IFI27: variants seen among roughly 807,000 people sequenced by gnomAD.
IFI27 encodes the protein interferon alpha inducible protein 27.
A neutral mutation model predicts 8.9 loss-of-function variants in IFI27; 3 were observed. That is an observed-to-expected ratio of 0.34 (90% confidence interval 0.15 to 0.87). IFI27 has a LOEUF of 0.87. Among genes scored for constraint, IFI27 ranks in the 40% least tolerant of loss-of-function variants. The probability of loss-of-function intolerance (pLI) is 0.51; values close to 1 mark genes in which losing one functional copy is unlikely to be tolerated. For missense variants in IFI27, 152 were observed against 157.7 expected (o/e 0.96, Z 0.19); for synonymous variants, 66 against 67.3 (o/e 0.98, Z 0.09).
rs1415334141 is a variant in IFI27 at position 94,116,373 on chromosome 14, C to T, written c.284-69C>T. 1.8e-6 allele frequency: 2 copies of T among 1,119,050 alleles called. No individual in the cohort carries two copies. Among genetic ancestry groups the T allele is most frequent in the East Asian group, 2.5e-5 (1 of 40,666 alleles). 69.3% of individuals were successfully genotyped at this position (1,119,050 alleles called of 1,614,324 possible). A position where few individuals can be genotyped will look rare whatever the true frequency, so the allele number is the denominator to read the frequency against. On this transcript the variant is annotated intron_variant, in intron 4 of 4. Coordinates refer to ENST00000621160, the Ensembl canonical transcript of IFI27. This position sits in a 1 kb window ranked among gnomAD's most constrained non-coding sequence, Gnocchi z 4.3. ...CTGAGGGTCACTGGAGTCTCTGACC[C>T]CACAGTCCTGCCCACAGAGCTTCCC...
Position 94,116,018 on chromosome 14 carries a change from A to AACCCTATGAACCTCAATCTCC in IFI27, c.283+77_283+97dup. On this transcript the variant is annotated intron_variant, in intron 4 of 4. Transcript: ENST00000621160. The surrounding 1 kb of genome is among the most constrained non-coding windows in gnomAD (Gnocchi z 4.3). ...CCTCCAAGGACCCAGTCCCAATCTC[A>AACCCTATGAACCTCAATCTCC]ACCCTATGAACCTCAATCTCCCTGT... is the stretch of plus-strand genomic sequence containing the variant. The AACCCTATGAACCTCAATCTCC allele has an allele frequency of 7.7e-7, 1 of 1,290,520 alleles. No individual in the cohort carries two copies. Among genetic ancestry groups the AACCCTATGAACCTCAATCTCC allele is most frequent in the South Asian group, 1.3e-5 (1 of 78,944 alleles). 79.9% of individuals were successfully genotyped at this position (1,290,520 alleles called of 1,614,324 possible). A position where few individuals can be genotyped will look rare whatever the true frequency, so the allele number is the denominator to read the frequency against.
Position 94,116,248 on chromosome 14 carries a change from G to A in IFI27, c.284-194G>A. On this transcript the variant is annotated intron_variant, in intron 4 of 4. Coordinates refer to ENST00000621160, the Ensembl canonical transcript of IFI27. This position sits in a 1 kb window ranked among gnomAD's most constrained non-coding sequence, Gnocchi z 4.3. ...TGCTTCTAGCTCTGGAGTTCACCAT[G>A]GGGGTTCATGCCTGCAGCAGCCTCT... The A allele has an allele frequency of 1.5e-6, 1 of 648,312 alleles. No individual in the cohort carries two copies. The highest frequency in any genetic ancestry group is 2.8e-6 in the Non-Finnish European group (1 of 359,970). The allele number at this position is 648,312 out of a possible 1,614,324, so 40.2% of individuals were successfully genotyped here. A position where few individuals can be genotyped will look rare whatever the true frequency, so the allele number is the denominator to read the frequency against.
chr14:94,112,079 T>C (rs745309395), intron 2 of IFI27: 10 of 467,018 alleles, frequency 2.1e-5, no homozygotes, highest in Non-Finnish European at 3.5e-5. Flanking sequence ...CAGCTCTCCC[T>C]TCCCCCAGAT....
At chr14:94,109,953 C>G (rs574220883), upstream of IFI27, among the ~76,000 whole-genome samples, 1 of 152,362 alleles carries the variant, frequency 6.6e-6, no homozygotes, top group African/African-American at 2.4e-5. Context: ...TGATAATCCC[C>G]TGCAATGGCT....
In IFI27 at chr14:94,114,787, C is replaced by T. The variant is rs377024475; in HGVS notation, c.92-64C>T. ...CCCTGCCTCCCTTTAGATGGGCAAT[C>T]GGCTTAGAAAGTGGAGGGGAAGCCA... On this transcript the variant is annotated intron_variant, in intron 2 of 4. Coordinates refer to ENST00000621160, the Ensembl canonical transcript of IFI27. 1.5e-4 allele frequency: 244 copies of T among 1,582,436 alleles called. 1 individual carries two copies. The highest frequency in any genetic ancestry group is 3.3e-4 in the Middle Eastern group (2 of 6,026).
chr14:94,115,766 T>C lies in IFI27; in HGVS notation c.122-15T>C. 2 of 1,599,910 alleles carry C rather than the reference T, an allele frequency of 1.3e-6. No homozygotes were observed. The highest frequency in any genetic ancestry group is 1.7e-5 in the Admixed American group (1 of 58,506). On this transcript the variant is annotated splice_polypyrimidine_tract_variant and intron_variant, in intron 3 of 4. Transcript: ENST00000621160. ...TTCTGAGCCCACGCACCGACCCAGC[T>C]CCTCTTCCCTGCAGTTGTGGCCATG...
chr14:94,106,474 T>C (rs913497182), upstream of IFI27, among the ~76,000 whole-genome samples: 2 of 152,246 alleles, frequency 1.3e-5, no homozygotes, highest in Non-Finnish European at 2.9e-5. Context: ...GCCAACACTT[T>C]TTATTTTCGG....
chr14:94,108,002 C>G (rs781171412), upstream of IFI27, among the ~76,000 whole-genome samples: 3 of 152,158 alleles, frequency 2.0e-5, no homozygotes, highest in African/African-American at 7.2e-5. Context: ...CCCCCTTCCC[C>G]CAACAGGCCA....
chr14:94,106,471 CTT>C (rs1887016575), upstream of IFI27, among the ~76,000 whole-genome samples: 1 of 152,174 alleles, frequency 6.6e-6, no homozygotes, highest in Non-Finnish European at 1.5e-5. Flanking sequence ...AGGGCCAACA[CTT>C]TTTATTTTCG....
rs1887206555 is a variant in IFI27, at chr14:94,111,906, A to G, written c.91+133A>G. ...TTGCTGCCCTGTCCTGTCTTCTCAC[A>G]GCAGGCGTCCACCCTAACTTTCCAT... On this transcript the variant is annotated intron_variant, in intron 2 of 4. Transcript: ENST00000621160. The surrounding 1 kb of genome is among the most constrained non-coding windows in gnomAD (Gnocchi z 4.3). 1 of 747,480 alleles carries G rather than the reference A, an allele frequency of 1.3e-6. No individual in the cohort carries two copies. The highest frequency in any genetic ancestry group is 1.7e-5 in the African/African-American group (1 of 58,404). The allele number at this position is 747,480 out of a possible 1,614,324, so 46.3% of individuals were successfully genotyped here. A position where few individuals can be genotyped will look rare whatever the true frequency, so the allele number is the denominator to read the frequency against.
At chr14:94,114,954 T>G (rs2139299133) in intron 3 of IFI27, 74 bp downstream of exon 3, 2 of 1,386,120 alleles carry the variant, frequency 1.4e-6, no homozygotes, top group African/African-American at 2.8e-5. Context: ...GCTGGCCTTG[T>G]CCATGCCAAT....
intron 3 of IFI27, 102 bp downstream of exon 3, chr14:94,114,982 G>C (rs935869528): frequency 9.3e-7 from 1 of 1,070,540 alleles, no homozygotes; most frequent in African/African-American, 1.5e-5. Flanking sequence ...TCACATGGGT[G>C]GTCAGGGGAG....
chr14:94,108,752 TA>T (rs11329498), upstream of IFI27, among the ~76,000 whole-genome samples: 60,805 of 141,748 alleles, frequency 0.43, 13,045 homozygotes, highest in South Asian at 0.59. Flanking sequence ...TGTGTCAACA[TA>T]AAAAAAAAAA....
chr14:94,111,413 C>G lies in IFI27; in HGVS notation c.-58-212C>G, dbSNP rs1887178595. On this transcript the variant is annotated intron_variant, in intron 1 of 4. Coordinates refer to ENST00000621160, the Ensembl canonical transcript of IFI27. This position sits in a 1 kb window ranked among gnomAD's most constrained non-coding sequence, Gnocchi z 4.3. ...AGCAGCCCCCCTGGGGAAATAAAGT[C>G]CCTCAGGGCCCTGACCTAACACAGG... Among the ~76,000 whole-genome samples, 1 of 152,128 alleles carries G rather than the reference C, an allele frequency of 6.6e-6. No homozygotes were observed. The highest frequency in any genetic ancestry group is 2.4e-5 in the African/African-American group (1 of 41,406).
chr14:94,116,570 G>C lies in IFI27; in HGVS notation c.*43G>C. 6.7e-7 allele frequency: 1 copy of C among 1,498,524 alleles called. No homozygotes were observed. Among genetic ancestry groups the C allele is most frequent in the Non-Finnish European group, 9.2e-7 (1 of 1,084,462 alleles). 92.8% of individuals were successfully genotyped at this position (1,498,524 alleles called of 1,614,324 possible). ...TGCAGAGAAGAGAACCATGCCAGGG[G>C]AGAAGGCACCCAGCCATCCTGACCC... is the stretch of plus-strand genomic sequence containing the variant. On this transcript the variant is annotated 3_prime_UTR_variant, in exon 5 of 5. Transcript: ENST00000621160. This position sits in a 1 kb window ranked among gnomAD's most constrained non-coding sequence, Gnocchi z 4.3.
At chr14:94,110,626 A>G (rs1567076664), upstream of IFI27, 1 of 152,206 alleles carries the variant, frequency 6.6e-6, no homozygotes, top group Non-Finnish European at 1.5e-5. Context: ...AGATGTCTGC[A>G]GTTTCGGTTT....
rs1887423758 is a variant in IFI27, at chr14:94,116,546, G to T, written c.*19G>T. The T allele has an allele frequency of 4.4e-6, 7 of 1,595,548 alleles. No homozygotes were observed. The highest frequency in any genetic ancestry group is 6.0e-6 in the Non-Finnish European group (7 of 1,167,588). On this transcript the variant is annotated 3_prime_UTR_variant, in exon 5 of 5. Transcript: ENST00000621160. The surrounding 1 kb of genome is among the most constrained non-coding windows in gnomAD (Gnocchi z 4.3). The stretch of plus-strand genomic sequence containing the variant: ...CTACTAGCTCCCTGCCCCTCGCCCT[G>T]CAGAGAAGAGAACCATGCCAGGGGA...
chr14:94,108,145 A>G (rs1887037844), upstream of IFI27, among the ~76,000 whole-genome samples: 1 of 152,188 alleles, frequency 6.6e-6, no homozygotes, highest in African/African-American at 2.4e-5. Flanking sequence ...AGCTTCATTC[A>G]TGTCCCTCCA....
rs1317469608 is a variant in IFI27, at chr14:94,111,806, G to T, written c.91+33G>T. 2 of 1,546,454 alleles carry T rather than the reference G, an allele frequency of 1.3e-6. No homozygotes were observed. Among genetic ancestry groups the T allele is most frequent in the Middle Eastern group, 1.8e-4 (1 of 5,662 alleles). ...TTCCTGGGAGGGGCTGGTGCTGGGGGCGAGGAGGCGGCTGGGAAGGGCGGG... is the reference window on the plus strand; with the variant it reads ...TTCCTGGGAGGGGCTGGTGCTGGGGTCGAGGAGGCGGCTGGGAAGGGCGGG... On this transcript the variant is annotated intron_variant, in intron 2 of 4. Transcript: ENST00000621160. This position sits in a 1 kb window ranked among gnomAD's most constrained non-coding sequence, Gnocchi z 4.3.
Sources: gnomAD v4.1 joint callset for allele counts (sites outside exome capture counted in the v4.1 genomes callset) on GRCh38, gnomAD v4.1.1 for gene constraint, Gnocchi (gnomAD v3.1) non-coding constraint, MANE v1.5 for transcripts, NCBI Gene and HGNC (gene_info 2026-07-23, HGNC 2026-07-21) for gene names.